Variants in GRM8 observed in about 807,000 individuals in gnomAD.
GRM8 encodes the protein glutamate metabotropic receptor 8, also known as metabotropic glutamate receptor 8.
Under a neutral mutation model 87.2 loss-of-function variants are expected in GRM8, and 47 were observed. The observed-to-expected ratio is 0.54, with a 90% CI of 0.43 to 0.69. The LOEUF (loss-of-function observed/expected upper bound fraction) is 0.69. Ranked by LOEUF, GRM8 falls within the 30% of genes least tolerant of loss-of-function variation. The pLI, the probability that GRM8 is intolerant of heterozygous loss-of-function variation, is 0.00. For missense variants in GRM8, 1,019 were observed against 1,139.2 expected (o/e 0.89, Z 1.52); for synonymous variants, 396 against 404.5 (o/e 0.98, Z 0.25).
At chr7:127,203,973 G>C (rs1033536946) in intron 2 of GRM8, among the ~76,000 whole-genome samples, 3 of 152,064 alleles carry the variant, frequency 2.0e-5, no homozygotes, top group African/African-American at 7.2e-5. Flanking sequence ...ATGCAAATAA[G>C]GACAGGTCAA....
At chr7:126,606,160 G>C (rs1243419756) in intron 8 of GRM8, among the ~76,000 whole-genome samples, 1 of 152,156 alleles carries the variant, frequency 6.6e-6, no homozygotes, top group Non-Finnish European at 1.5e-5. Flanking sequence ...TCAAAGACAG[G>C]CAGAAAGGAC....
chr7:127,096,032 A>G (rs183148857), intron 3 of GRM8, among the ~76,000 whole-genome samples: 88 of 152,348 alleles, frequency 5.8e-4, no homozygotes, highest in African/African-American at 2.1e-3. Context: ...TCATGAATTC[A>G]TGTATTTAAC....
chr7:126,860,587 T>A (rs1478392616), intron 6 of GRM8, among the ~76,000 whole-genome samples: 6 of 152,120 alleles, frequency 3.9e-5, no homozygotes, highest in Admixed American at 6.5e-5. Context: ...GAACAAATAG[T>A]TTTACAATAA....
intron 7 of GRM8, among the ~76,000 whole-genome samples, chr7:126,662,753 C>T (rs1305022532): frequency 1.3e-5 from 2 of 151,772 alleles, no homozygotes; most frequent in Non-Finnish European, 2.9e-5. Flanking sequence ...TTTTAAAGTG[C>T]CATCCAGTAC....
At chr7:127,046,626 GC>G (rs1423084382) in intron 3 of GRM8, among the ~76,000 whole-genome samples, 2 of 152,192 alleles carry the variant, frequency 1.3e-5, no homozygotes, top group Admixed American at 6.5e-5. Context: ...GCAAATGTTA[GC>G]TTTTATTATT....
intron 3 of GRM8, among the ~76,000 whole-genome samples, chr7:126,934,221 C>CA (rs1200789727): frequency 6.6e-6 from 1 of 151,720 alleles, no homozygotes; most frequent in Non-Finnish European, 1.5e-5. Flanking sequence ...TTTAAGAAGG[C>CA]AAAAAAATGG....
intron 3 of GRM8, among the ~76,000 whole-genome samples, chr7:127,090,632 G>A (rs914247855): frequency 8.5e-5 from 13 of 152,178 alleles, no homozygotes; most frequent in African/African-American, 3.1e-4. Context: ...ATGTACTTAA[G>A]CTACTGCTTC....
intron 2 of GRM8, among the ~76,000 whole-genome samples, chr7:127,162,886 GC>G (rs1793205188): frequency 6.6e-6 from 1 of 152,128 alleles, no homozygotes; most frequent in Non-Finnish European, 1.5e-5. Context: ...AAATAAGAAT[GC>G]CTTTAGAAGG....
intron 3 of GRM8, among the ~76,000 whole-genome samples, chr7:126,948,908 G>A (rs1382987281): frequency 2.6e-5 from 4 of 152,224 alleles, no homozygotes; most frequent in African/African-American, 7.2e-5. Context: ...AACCACAGAT[G>A]AGTGTGGTTG....
chr7:127,065,158 A>G (rs1586898302), intron 3 of GRM8, among the ~76,000 whole-genome samples: 1 of 152,338 alleles, frequency 6.6e-6, no homozygotes, highest in Non-Finnish European at 1.5e-5. Flanking sequence ...GAAATGTAGT[A>G]CCATATATAC....
intron 2 of GRM8, among the ~76,000 whole-genome samples, chr7:127,166,368 G>C (rs1370481289): frequency 6.6e-6 from 1 of 152,066 alleles, no homozygotes; most frequent in East Asian, 1.9e-4. Flanking sequence ...TAAGATTAAG[G>C]AATTCACTTA....
intron 7 of GRM8, among the ~76,000 whole-genome samples, chr7:126,693,117 A>C (rs2151376805): frequency 6.6e-6 from 1 of 152,298 alleles, no homozygotes; most frequent in Non-Finnish European, 1.5e-5. Flanking sequence ...TCCTCTAAAG[A>C]TCACAGCAGT....
intron 3 of GRM8, among the ~76,000 whole-genome samples, chr7:127,073,320 AG>A (rs1261768415): frequency 6.6e-6 from 1 of 152,144 alleles, no homozygotes; most frequent in Non-Finnish European, 1.5e-5. Context: ...ATGACTGCAA[AG>A]GGGGCAGATG....
At chr7:126,564,974 T>C (rs1056009829) in intron 8 of GRM8, among the ~76,000 whole-genome samples, 7 of 152,126 alleles carry the variant, frequency 4.6e-5, no homozygotes. Context: ...ATCATCCAAA[T>C]AGAAGCAGAA....
At chr7:126,695,969 A>G (rs1809334770) in intron 7 of GRM8, among the ~76,000 whole-genome samples, 1 of 152,182 alleles carries the variant, frequency 6.6e-6, no homozygotes, top group Admixed American at 6.5e-5. Flanking sequence ...ATCACTGATT[A>G]TAAGGTTGGA....
intron 6 of GRM8, among the ~76,000 whole-genome samples, chr7:126,808,534 G>C (rs1252562595): frequency 1.3e-5 from 2 of 152,178 alleles, no homozygotes; most frequent in Admixed American, 6.5e-5. Flanking sequence ...GAGCTACTCT[G>C]TCTTCATTAC....
At chr7:126,815,750 ATTC>A (rs1412802672) in intron 6 of GRM8, among the ~76,000 whole-genome samples, 2 of 152,080 alleles carry the variant, frequency 1.3e-5, no homozygotes, top group African/African-American at 2.4e-5. Context: ...ACTATAAACT[ATTC>A]TTCTTTTTGT....
intron 1 of GRM8, among the ~76,000 whole-genome samples, chr7:127,244,797 G>C (rs1008291373): frequency 6.6e-6 from 1 of 152,156 alleles, no homozygotes; most frequent in Non-Finnish European, 1.5e-5. Context: ...TTCAAAGAAA[G>C]CTGCATTTTT....
chr7:126,855,977 T>C (rs766170918), intron 6 of GRM8, among the ~76,000 whole-genome samples: 12 of 152,290 alleles, frequency 7.9e-5, no homozygotes, highest in African/African-American at 1.4e-4. Flanking sequence ...GTATGCCAGA[T>C]GCTGGATTGT....
Sources: allele counts gnomAD v4.1 joint callset (sites outside exome capture counted in the v4.1 genomes callset), GRCh38; gene constraint gnomAD v4.1.1; transcripts MANE v1.5; gene names NCBI Gene and HGNC (gene_info 2026-07-23, HGNC 2026-07-21).